Variants in KLRG1 observed in about 807,000 individuals in gnomAD.
KLRG1 encodes the protein killer cell lectin like receptor G1.
A neutral mutation model predicts 21.8 loss-of-function variants in KLRG1; 16 were observed. The ratio of observed to expected loss-of-function variants is 0.73; its 90% CI spans 0.50 to 1.11. KLRG1 has a LOEUF of 1.11. Among genes scored for constraint, KLRG1 ranks in the 50% most tolerant of loss-of-function variants. The pLI is 0.00. For missense variants in KLRG1, 173 were observed against 218.3 expected, an observed-to-expected ratio of 0.79 and a Z score of 1.31; for synonymous variants, 69 against 75.9, an observed-to-expected ratio of 0.91 and a Z score of 0.47.
the KLRG1 span, chr12:9,157,322 C>T: frequency 2.5e-6 from 4 of 1,613,972 alleles, no homozygotes; most frequent in East Asian, 8.9e-5. Context: ...CAGGCTGACT[C>T]CAGGCAGAAC....
chr12:9,010,859 T>C (rs1258224346), downstream of KLRG1: 1 of 152,224 alleles, frequency 6.6e-6, no homozygotes, highest in Non-Finnish European at 1.5e-5. Flanking sequence ...AATATGAGTC[T>C]TCAGTAGCTA....
chr12:8,983,395 CTTTTTTT>C (rs764267755), intron 1 of KLRG1, among the ~76,000 whole-genome samples: 13 of 89,540 alleles, frequency 1.5e-4, no homozygotes, highest in Non-Finnish European at 2.3e-4. Context: ...ACCATTTTAC[CTTTTTTT>C]TTTTTTTTTT....
chr12:8,982,295 G>A (rs1946766858), intron 1 of KLRG1, among the ~76,000 whole-genome samples: 1 of 152,182 alleles, frequency 6.6e-6, no homozygotes, highest in Admixed American at 6.5e-5. Context: ...CTTCAAAGGT[G>A]GCAGAAGAAT....
At chr12:9,172,735 A>C in the KLRG1 span, among the ~76,000 whole-genome samples, 1 of 152,316 alleles carries the variant, frequency 6.6e-6, no homozygotes, top group South Asian at 2.1e-4. Flanking sequence ...AAAGAAGGGT[A>C]GTATATAATA....
chr12:9,008,956 T>C lies in KLRG1; in HGVS notation c.358-19T>C. The C allele has an allele frequency of 6.3e-7, 1 of 1,590,480 alleles. No homozygotes were observed. Among genetic ancestry groups the C allele is most frequent in the Non-Finnish European group, 8.6e-7 (1 of 1,166,038 alleles). On this transcript the variant is annotated intron_variant, in intron 3 of 4. Coordinates refer to ENST00000356986, the MANE Select transcript of KLRG1 (RefSeq NM_005810.4). ...CTGTGACACTAGGTCCCTTTTTTGGTTTTCAACCTCTCCCTTAGAGCCTGC... is the reference window on the plus strand; with the variant it reads ...CTGTGACACTAGGTCCCTTTTTTGGCTTTCAACCTCTCCCTTAGAGCCTGC...
chr12:9,040,378 G>A, the KLRG1 span, among the ~76,000 whole-genome samples: 1 of 152,180 alleles, frequency 6.6e-6, no homozygotes, highest in Admixed American at 6.5e-5. Context: ...TCTTTCCTTA[G>A]TATTCTGTAG....
intron 1 of KLRG1, among the ~76,000 whole-genome samples, chr12:8,974,959 G>A (rs901167290): frequency 6.6e-6 from 1 of 151,700 alleles, no homozygotes; most frequent in South Asian, 2.1e-4. Flanking sequence ...GCAGTGGTGT[G>A]ATCTAGGCTC....
At chr12:9,193,155 C>T in the KLRG1 span, among the ~76,000 whole-genome samples, 1 of 152,086 alleles carries the variant, frequency 6.6e-6, no homozygotes. Flanking sequence ...TTTTAGTAAT[C>T]CTTAGTAAAT....
At chr12:9,042,678 T>C in the KLRG1 span, among the ~76,000 whole-genome samples, 1 of 152,156 alleles carries the variant, frequency 6.6e-6, no homozygotes, top group Non-Finnish European at 1.5e-5. Context: ...AAGAAGTCCA[T>C]ACAGCTTTTA....
At chr12:9,089,854 C>A in the KLRG1 span, 250 of 1,229,650 alleles carry the variant, frequency 2.0e-4, no homozygotes, top group Non-Finnish European at 2.7e-4. Context: ...ATATTACCCA[C>A]ATATATTATA....
chr12:9,192,943 T>C, the KLRG1 span, among the ~76,000 whole-genome samples: 94 of 152,308 alleles, frequency 6.2e-4, 1 homozygote, highest in Middle Eastern at 3.4e-3. Context: ...TTTATCTCTT[T>C]TGCCCTGATT....
chr12:9,158,425 T>C, the KLRG1 span: 4 of 1,614,156 alleles, frequency 2.5e-6, no homozygotes, highest in Non-Finnish European at 3.4e-6. Context: ...TTCACCTTTA[T>C]GGCATTGTTG....
At chr12:9,204,217 C>T in the KLRG1 span, among the ~76,000 whole-genome samples, 1 of 152,164 alleles carries the variant, frequency 6.6e-6, no homozygotes, top group Non-Finnish European at 1.5e-5. Context: ...GCATTCCTTG[C>T]TGTAAAGAGC....
the KLRG1 span, among the ~76,000 whole-genome samples, chr12:9,212,579 AG>A: frequency 6.6e-6 from 1 of 152,362 alleles, no homozygotes; most frequent in Non-Finnish European, 1.5e-5. Context: ...GCAAGATAAT[AG>A]GACAAATGTT....
chr12:9,082,258 A>G, the KLRG1 span, among the ~76,000 whole-genome samples: 1 of 152,166 alleles, frequency 6.6e-6, no homozygotes, highest in East Asian at 1.9e-4. Context: ...ACCTAACCTC[A>G]CAGCCCGGAT....
At chr12:9,007,166 G>A (rs1018573493) in intron 3 of KLRG1, among the ~76,000 whole-genome samples, 2 of 152,170 alleles carry the variant, frequency 1.3e-5, no homozygotes, top group African/African-American at 4.8e-5. Flanking sequence ...AGAGAAAATA[G>A]AGGTTATTCT....
chr12:9,149,503 G>T, the KLRG1 span: 64 of 1,477,574 alleles, frequency 4.3e-5, no homozygotes, highest in East Asian at 1.0e-3. Context: ...AAATTGCAGG[G>T]GCCCTTGGAG....
chr12:9,184,032 G>A, the KLRG1 span, among the ~76,000 whole-genome samples: 2 of 152,146 alleles, frequency 1.3e-5, no homozygotes. Flanking sequence ...AGGAAAGTGG[G>A]GTAGATTGAA....
At chr12:9,063,454 A>G in the KLRG1 span, among the ~76,000 whole-genome samples, 1 of 152,220 alleles carries the variant, frequency 6.6e-6, no homozygotes, top group Admixed American at 6.5e-5. Flanking sequence ...ACAAGTATCC[A>G]TTTCATTTCC....
Sources: allele counts gnomAD v4.1 joint callset (sites outside exome capture counted in the v4.1 genomes callset), GRCh38; gene constraint gnomAD v4.1.1; transcripts MANE v1.5; gene names NCBI Gene and HGNC (gene_info 2026-07-23, HGNC 2026-07-21).